Variants in PDE4D observed in about 807,000 individuals in gnomAD.
PDE4D encodes the protein 3',5'-cyclic-AMP phosphodiesterase 4D.
A neutral mutation model predicts 87.4 loss-of-function variants in PDE4D; 24 were observed. The ratio of observed to expected loss-of-function variants is 0.27; its 90% CI spans 0.20 to 0.39. The LOEUF is 0.39. PDE4D is among the 10% of genes least tolerant of loss of function. The pLI, the probability that PDE4D is intolerant of heterozygous loss-of-function variation, is 1.00. For missense variants in PDE4D, 714 were observed against 1,041.0 expected (o/e 0.69, Z 4.32); for synonymous variants, 384 against 383.2 (o/e 1.00, Z -0.02).
intron 1 of PDE4D, among the ~76,000 whole-genome samples, chr5:59,723,475 T>G (rs141421680): frequency 6.6e-6 from 1 of 152,114 alleles, no homozygotes; most frequent in African/African-American, 2.4e-5. Flanking sequence ...TTTCTGGGAT[T>G]TGGATAATTT....
chr5:59,496,394 A>C (rs1807197737), intron 1 of PDE4D, among the ~76,000 whole-genome samples: 2 of 152,158 alleles, frequency 1.3e-5, no homozygotes, highest in African/African-American at 4.8e-5. Context: ...CAAAGGCTGG[A>C]GTGCCTGTCC....
At chr5:59,921,833 G>C (rs1754700798) in intron 3 of PDE4D, among the ~76,000 whole-genome samples, 1 of 152,064 alleles carries the variant, frequency 6.6e-6, no homozygotes, top group South Asian at 2.1e-4. Context: ...CTCCTTGTAG[G>C]AATACAAAAT....
At chr5:60,516,146 T>C (rs1750793856) in intron 1 of PDE4D, among the ~76,000 whole-genome samples, 1 of 152,218 alleles carries the variant, frequency 6.6e-6, no homozygotes, top group Non-Finnish European at 1.5e-5. Context: ...CAAAAGTTAA[T>C]GGTGAAAGAT....
intron 1 of PDE4D, among the ~76,000 whole-genome samples, chr5:59,570,492 T>G (rs989673676): frequency 6.6e-6 from 1 of 152,114 alleles, no homozygotes; most frequent in South Asian, 2.1e-4. Context: ...GCAAACTGTG[T>G]TAGAAAAAAA....
chr5:59,105,226 C>A (rs1028011406), intron 5 of PDE4D, among the ~76,000 whole-genome samples: 5 of 152,146 alleles, frequency 3.3e-5, no homozygotes, highest in Non-Finnish European at 7.3e-5. Context: ...TATGAGAAAC[C>A]GGGGCAGCAA....
At chr5:60,136,998 G>T (rs1257324678) in intron 2 of PDE4D, among the ~76,000 whole-genome samples, 1 of 152,022 alleles carries the variant, frequency 6.6e-6, no homozygotes, top group East Asian at 1.9e-4. Flanking sequence ...AGTGTGTATT[G>T]TTTCCCCACT....
chr5:59,166,840 T>A (rs1225065706), intron 5 of PDE4D, among the ~76,000 whole-genome samples: 1 of 152,208 alleles, frequency 6.6e-6, no homozygotes, highest in Non-Finnish European at 1.5e-5. Flanking sequence ...TGTGTGTGTC[T>A]TATATGGTCT....
chr5:59,352,464 T>C (rs1288982002), intron 1 of PDE4D, among the ~76,000 whole-genome samples: 1 of 152,146 alleles, frequency 6.6e-6, no homozygotes, highest in East Asian at 1.9e-4. Context: ...TGGCATTCAC[T>C]TCCTTTCTAA....
intron 5 of PDE4D, among the ~76,000 whole-genome samples, chr5:59,127,256 C>T (rs1775536796): frequency 6.6e-6 from 1 of 152,180 alleles, no homozygotes; most frequent in South Asian, 2.1e-4. Flanking sequence ...TAATTCCTCC[C>T]TTGTAATCTC....
At chr5:60,316,650 G>C in intron 1 of PDE4D, among the ~76,000 whole-genome samples, 1 of 152,108 alleles carries the variant, frequency 6.6e-6, no homozygotes, top group Admixed American at 6.6e-5. Context: ...TTATTATTTT[G>C]AGATACGTCC....
intron 1 of PDE4D, among the ~76,000 whole-genome samples, chr5:59,371,165 G>T (rs1783868175): frequency 6.6e-6 from 1 of 152,168 alleles, no homozygotes; most frequent in Admixed American, 6.5e-5. Context: ...GTATATTACT[G>T]TATTATGAAC....
chr5:59,379,930 A>G (rs1303681471), intron 1 of PDE4D, among the ~76,000 whole-genome samples: 1 of 152,082 alleles, frequency 6.6e-6, no homozygotes, highest in Non-Finnish European at 1.5e-5. Flanking sequence ...TGATCCCATC[A>G]CCCAGGTGGT....
chr5:59,832,431 T>C (rs1380412224), intron 1 of PDE4D, among the ~76,000 whole-genome samples: 1 of 152,100 alleles, frequency 6.6e-6, no homozygotes, highest in Non-Finnish European at 1.5e-5. Context: ...AGCTATTTTA[T>C]GACACCAGAC....
At chr5:59,857,960 G>T (rs1745696584) in intron 1 of PDE4D, among the ~76,000 whole-genome samples, 1 of 149,752 alleles carries the variant, frequency 6.7e-6, no homozygotes, top group African/African-American at 2.5e-5. Flanking sequence ...AGGAAGTAGG[G>T]AGAATGGAAG....
intron 5 of PDE4D, among the ~76,000 whole-genome samples, chr5:59,166,023 C>T (rs141111984): frequency 7.2e-5 from 11 of 152,308 alleles, no homozygotes; most frequent in African/African-American, 2.6e-4. Context: ...ACCCCCACCA[C>T]CACCTGTCGC....
intron 1 of PDE4D, among the ~76,000 whole-genome samples, chr5:59,388,733 G>T (rs184367514): frequency 5.3e-5 from 8 of 151,914 alleles, no homozygotes; most frequent in Non-Finnish European, 1.2e-4. Flanking sequence ...GACATCAAGG[G>T]TATTTGTGAC....
At chr5:59,220,113 G>A (rs1213927753) in intron 1 of PDE4D, among the ~76,000 whole-genome samples, 2 of 152,104 alleles carry the variant, frequency 1.3e-5, no homozygotes, top group Admixed American at 6.6e-5. Flanking sequence ...AAAGACTTAC[G>A]TGGAAACACA....
intron 1 of PDE4D, among the ~76,000 whole-genome samples, chr5:60,196,121 T>C (rs1405756899): frequency 6.6e-6 from 1 of 151,698 alleles, no homozygotes; most frequent in Non-Finnish European, 1.5e-5. Flanking sequence ...TTTTTGGAAA[T>C]ACAAGCATAT....
chr5:60,186,654 C>T (rs1313381348), intron 1 of PDE4D, among the ~76,000 whole-genome samples: 1 of 152,048 alleles, frequency 6.6e-6, no homozygotes, highest in East Asian at 1.9e-4. Context: ...ATGCTAACAG[C>T]AGCATGTAGT....
Sources: gnomAD v4.1 joint callset for allele counts (sites outside exome capture counted in the v4.1 genomes callset) on GRCh38, gnomAD v4.1.1 for gene constraint, MANE v1.5 for transcripts, NCBI Gene and HGNC (gene_info 2026-07-23, HGNC 2026-07-21) for gene names.